The following SLC25A25 variants were observed in gnomAD, a reference collection of about 807,000 sequenced individuals.
SLC25A25 encodes the protein mitochondrial adenyl nucleotide antiporter SLC25A25.
Under a neutral mutation model 57.7 loss-of-function variants are expected in SLC25A25, and 32 were observed. That is an observed-to-expected ratio of 0.55 (90% CI 0.42 to 0.74). SLC25A25 has a LOEUF of 0.74. SLC25A25 is among the 30% of genes least tolerant of loss of function. The pLI is 0.00. For synonymous variants in SLC25A25, 306 were observed against 291.2 expected, an observed-to-expected ratio of 1.05 and a Z score of -0.52; for missense variants, 556 against 701.3, an observed-to-expected ratio of 0.79 and a Z score of 2.34.
intron 1 of SLC25A25, chr9:128,098,859 A>T: frequency 1.3e-6 from 2 of 1,499,638 alleles, no homozygotes; most frequent in Non-Finnish European, 1.8e-6. Context: ...TCCCATTGCC[A>T]TGCGGCTATG....
intron 1 of SLC25A25, among the ~76,000 whole-genome samples, chr9:128,084,610 C>T (rs2130795218): frequency 6.6e-6 from 1 of 152,046 alleles, no homozygotes; most frequent in East Asian, 1.9e-4. Flanking sequence ...ATGTGTACAC[C>T]TTACATGTAT....
rs1833852583 is a variant in SLC25A25 at position 128,102,638 on chromosome 9, G to GCATGTTCCC, written c.624+165_624+173dup. On this transcript the variant is annotated intron_variant, in intron 5 of 10. Coordinates refer to ENST00000373069, the MANE Select transcript of SLC25A25 (RefSeq NM_001330988.2). This position sits in a 1 kb window ranked among gnomAD's most constrained non-coding sequence, Gnocchi z 4.1. ...TTCTGCCAGCCCAGTAGAGCTGTCC[G>GCATGTTCCC]CATGTTCCCCATGTTCTGGCACTCC... Among the ~76,000 whole-genome samples, 1 of 152,148 alleles carries GCATGTTCCC rather than the reference G, an allele frequency of 6.6e-6. No homozygotes were observed. Among genetic ancestry groups the GCATGTTCCC allele is most frequent in the Non-Finnish European group, 1.5e-5 (1 of 68,014 alleles).
rs2032133543 is a variant in SLC25A25 at position 128,095,775 on chromosome 9, A to G, written c.262-5321A>G. 6.6e-6 allele frequency among the ~76,000 whole-genome samples: 1 copy of G among 152,144 alleles called. No homozygotes were observed. Among genetic ancestry groups the G allele is most frequent in the South Asian group, 2.1e-4 (1 of 4,828 alleles). On this transcript the variant is annotated intron_variant, in intron 1 of 10. Transcript: ENST00000373069. This position sits in a 1 kb window ranked among gnomAD's most constrained non-coding sequence, Gnocchi z 4.4. ...TAGTGAGCCAAGATCGCGCCACTGC[A>G]CTCCAGCCTGGGCGACAGAGCAAGA...
At chr9:128,079,308 C>T (rs186284986) in intron 1 of SLC25A25, among the ~76,000 whole-genome samples, 6 of 151,524 alleles carry the variant, frequency 4.0e-5, no homozygotes, top group Non-Finnish European at 7.4e-5. Flanking sequence ...TCCTCCCTCC[C>T]TGTTGGCTGG....
chr9:128,100,968 C>T (rs1389761576), intron 1 of SLC25A25, 128 bp from the exon 2 acceptor site: 4 of 1,266,884 alleles, frequency 3.2e-6, no homozygotes, highest in East Asian at 5.0e-5. Flanking sequence ...GGAGCAGAAG[C>T]ATCTTGGGTC....
intron 1 of SLC25A25, among the ~76,000 whole-genome samples, chr9:128,100,195 G>GA (rs1833730087): frequency 1.3e-5 from 2 of 148,626 alleles, no homozygotes; most frequent in African/African-American, 4.9e-5. Context: ...AGCTGTTTGC[G>GA]AGGGGGGTAA....
chr9:128,093,664 G>C (rs529531519), intron 1 of SLC25A25, among the ~76,000 whole-genome samples: 1 of 152,354 alleles, frequency 6.6e-6, no homozygotes, highest in Non-Finnish European at 1.5e-5. Context: ...CAGAGAGAAA[G>C]CAAATCTGAG....
At chr9:128,085,477 T>C (rs1833254761) in intron 1 of SLC25A25, among the ~76,000 whole-genome samples, 2 of 152,182 alleles carry the variant, frequency 1.3e-5, no homozygotes, top group Admixed American at 1.3e-4. Context: ...ATATATGCAA[T>C]ATATATATTT....
chr9:128,076,505 G>A (rs10819344), intron 1 of SLC25A25, among the ~76,000 whole-genome samples: 106,276 of 147,912 alleles, frequency 0.72, 40,867 homozygotes, highest in Non-Finnish European at 0.85. Context: ...TCTCTCTCTC[G>A]CCCAGGCTGG....
intron 1 of SLC25A25, among the ~76,000 whole-genome samples, chr9:128,088,417 A>T (rs1833325823): frequency 6.6e-6 from 1 of 152,062 alleles, no homozygotes; most frequent in African/African-American, 2.4e-5. Context: ...CTCCCTGTGC[A>T]GCTCTCTCCT....
At chr9:128,079,636 G>T (rs1232574729) in intron 1 of SLC25A25, among the ~76,000 whole-genome samples, 4 of 151,278 alleles carry the variant, frequency 2.6e-5, no homozygotes, top group African/African-American at 9.7e-5. Context: ...AATTAGCCGG[G>T]CCTGGTGGCG....
At position 128,068,474 on chromosome 9, in the gene SLC25A25, G is replaced by A; in HGVS notation, c.155G>A (p.Arg52Lys). 2.6e-6 allele frequency: 4 copies of A among 1,526,552 alleles called. No homozygotes were observed. Among genetic ancestry groups the A allele is most frequent in the Non-Finnish European group, 3.5e-6 (4 of 1,145,098 alleles). The allele number at this position is 1,526,552 out of a possible 1,614,324, so 94.6% of individuals were successfully genotyped here. ...GGPDHRLRLWRLFQTLDVNRD... is the reference protein window; with the variant it reads ...GGPDHRLRLWKLFQTLDVNRD... ...CCGGACCACCGGCTGCGCCTGTGGA[G>A]ACTCTTTCAGACGCTCGACGTCAAC... The change falls in exon 1 of 11, where the codon AGA becomes AAA. Residue 52 changes from arginine (R) to lysine (K), a missense_variant. Transcript: ENST00000373069.
chr9:128,092,740 G>A (rs143813443), intron 1 of SLC25A25, among the ~76,000 whole-genome samples: 1 of 152,196 alleles, frequency 6.6e-6, no homozygotes, highest in Non-Finnish European at 1.5e-5. Context: ...AAGGTAAGTG[G>A]TAGTATCCCC....
Position 128,068,437 on chromosome 9 carries a change from A to G in SLC25A25, c.118A>G (p.Ile40Val), listed in dbSNP as rs1325043010. The change falls in exon 1 of 11, where the codon ATC (isoleucine) becomes GTC (valine). Residue 40 changes from isoleucine to valine, a missense_variant. Transcript: ENST00000373069. ...CGTGGGGGACCCCTGCGGCGGCGCT[A>G]TCTGCGGGGGCCCGGACCACCGGCT... The part of the protein sequence containing the change: ...ASVGDPCGGA[I>V]CGGPDHRLRL... 3.9e-6 allele frequency: 6 copies of G among 1,558,254 alleles called. No individual in the cohort carries two copies. Among genetic ancestry groups the G allele is most frequent in the Non-Finnish European group, 5.2e-6 (6 of 1,162,922 alleles).
Position 128,101,328 on chromosome 9 carries a change from G to A in SLC25A25, c.408G>A (p.Glu136=), listed in dbSNP as rs1396362335. ...TTGCAGGACGCATTGACGCGCAGGA[G>A]ATCATGCAGTCCCTGCGGGACTTGG... is the stretch of plus-strand genomic sequence containing the variant. The part of the protein sequence containing the change: ...KKNDGRIDAQ[E]IMQSLRDLGV... Residue 136 remains glutamate (E), a synonymous_variant, in exon 3 of 11, where the codon GAG becomes GAA. Transcript: ENST00000373069. This position sits in a 1 kb window ranked among gnomAD's most constrained non-coding sequence, Gnocchi z 4.9. The A allele has an allele frequency of 1.2e-6, 2 of 1,614,160 alleles. No individual in the cohort carries two copies. Among genetic ancestry groups the A allele is most frequent in the African/African-American group, 2.7e-5 (2 of 74,956 alleles).
intron 1 of SLC25A25, among the ~76,000 whole-genome samples, chr9:128,076,109 A>C (rs530460349): frequency 6.6e-6 from 1 of 152,166 alleles, no homozygotes; most frequent in African/African-American, 2.4e-5. Flanking sequence ...TCTTGATGAC[A>C]TGTGCCTGGC....
chr9:128,097,173 G>A (rs1488352162), intron 1 of SLC25A25, among the ~76,000 whole-genome samples: 4 of 152,190 alleles, frequency 2.6e-5, no homozygotes, highest in Non-Finnish European at 4.4e-5. Context: ...ATTAGGAAGT[G>A]GCGCACTGTA....
chr9:128,102,064 T>TG lies in SLC25A25; in HGVS notation c.477-16_477-15insG, dbSNP rs1491585570. ...TGTTTCTGCTCTCTCCTCCGCATCC[T>TG]TTGTCTGTCTGTCAGAATACGAACG... is the stretch of plus-strand genomic sequence containing the variant. On this transcript the variant is annotated splice_polypyrimidine_tract_variant and intron_variant, in intron 3 of 10. Coordinates refer to ENST00000373069, the MANE Select transcript of SLC25A25 (RefSeq NM_001330988.2). The surrounding 1 kb of genome is among the most constrained non-coding windows in gnomAD (Gnocchi z 4.1). 4 of 1,550,458 alleles carry TG rather than the reference T, an allele frequency of 2.6e-6. No individual in the cohort carries two copies. In the African/African-American group the frequency reaches 5.5e-5, roughly 21 times the overall value.
At chr9:128,088,865 T>C (rs1833336856) in intron 1 of SLC25A25, among the ~76,000 whole-genome samples, 1 of 149,838 alleles carries the variant, frequency 6.7e-6, no homozygotes, top group Non-Finnish European at 1.5e-5. Context: ...AAAACATCAC[T>C]ATCTCCTCCA....
Sources: allele counts gnomAD v4.1 joint callset (sites outside exome capture counted in the v4.1 genomes callset), GRCh38; gene constraint gnomAD v4.1.1; non-coding constraint Gnocchi (gnomAD v3.1); transcripts MANE v1.5; gene names NCBI Gene and HGNC (gene_info 2026-07-23, HGNC 2026-07-21).